Variants in CEP104 observed in about 807,000 individuals in gnomAD.
CEP104 encodes centrosomal protein of 104 kDa.
Under a neutral mutation model 113.3 loss-of-function variants are expected in CEP104, and 84 were observed. The ratio of observed to expected loss-of-function variants is 0.74; its 90% CI spans 0.62 to 0.89. The LOEUF (loss-of-function observed/expected upper bound fraction) is 0.89, where lower values mean the gene tolerates loss of function less well. Ranked by LOEUF, CEP104 falls within the 40% of genes least tolerant of loss-of-function variation. CEP104 has a pLI of 0.00. For synonymous variants in CEP104, 378 were observed against 421.7 expected, an observed-to-expected ratio of 0.90 and a Z score of 1.27; for missense variants, 1,053 against 1,156.6, an observed-to-expected ratio of 0.91 and a Z score of 1.30.
intron 2 of CEP104, among the ~76,000 whole-genome samples, chr1:3,850,385 A>AT (rs1644587957): frequency 6.6e-6 from 1 of 152,232 alleles, no homozygotes; most frequent in Non-Finnish European, 1.5e-5. Flanking sequence ...ACTAAAAATA[A>AT]TTTGACAACC....
At chr1:3,827,311 T>G (rs1266776575) in intron 15 of CEP104, among the ~76,000 whole-genome samples, 1 of 152,016 alleles carries the variant, frequency 6.6e-6, no homozygotes, top group African/African-American at 2.4e-5. Context: ...GCCTCCTGGG[T>G]GCAAGCCATC....
In CEP104 at chr1:3,845,002, T is replaced by G. The variant is rs1336976963; in HGVS notation, c.490-19A>C. Reference sequence around the variant, plus strand: ...GAGAGGCCTTTGGGGGCAAAACATCTGCTTAGTGTCTCAGAGAGAAAGAGG... The same window carrying G: ...GAGAGGCCTTTGGGGGCAAAACATCGGCTTAGTGTCTCAGAGAGAAAGAGG... On this transcript the variant is annotated intron_variant, in intron 5 of 21. Transcript: ENST00000378230. The G allele has an allele frequency of 6.3e-7, 1 of 1,597,868 alleles. No homozygotes were observed. The highest frequency in any genetic ancestry group is 1.3e-5 in the African/African-American group (1 of 74,606).
At chr1:3,852,564 TA>T (rs1445302311) in intron 1 of CEP104, 143 bp from the exon 2 acceptor site, 3 of 744,516 alleles carry the variant, frequency 4.0e-6, no homozygotes, top group African/African-American at 1.8e-5. Context: ...GAAAAGAGTC[TA>T]TTTTTTTTTG....
Position 3,834,928 on chromosome 1 carries a change from G to C in CEP104, c.1482C>G (p.Thr494=). The change falls in exon 11 of 22, where the codon ACC becomes ACG. Residue 494 remains threonine (T), a synonymous_variant. Coordinates refer to ENST00000378230, the MANE Select transcript of CEP104 (RefSeq NM_014704.4). ...LVRRAIKDIV[T]SVFQASLKLL... ...AGCGCCAGCTGAGGGCACTCACGGA[G>C]GTCACAATGTCCTTTATGGCTCTTC... The C allele has an allele frequency of 6.3e-7, 1 of 1,585,404 alleles. No homozygotes were observed. The highest frequency in any genetic ancestry group is 1.1e-5 in the South Asian group (1 of 87,094).
intron 20 of CEP104, among the ~76,000 whole-genome samples, chr1:3,817,530 A>C (rs1199901847): frequency 6.6e-6 from 1 of 151,464 alleles, no homozygotes; most frequent in East Asian, 1.9e-4. Context: ...AGCCCAGCCC[A>C]CTCCTGTCCC....
In CEP104 at chr1:3,839,016, C is replaced by T. The variant is rs113174854; in HGVS notation, c.839G>A (p.Arg280His). The T allele has an allele frequency of 2.9e-5, 47 of 1,614,022 alleles. 1 individual carries two copies. In the Admixed American group the frequency reaches 5.8e-4, roughly 20 times the overall value. Residue 280 changes from arginine to histidine, a missense_variant, in exon 8 of 22, where the codon CGT becomes CAT. By Grantham distance (29) the Arg-to-His change is conservative. Transcript: ENST00000378230. ...KEKKQQMEQY[R>H]AEVYEQLELH... ...CTCCAGCTGCTCGTACACCTCGGCACGATACTGCTCCATCTGCTGCTTCTT... is the reference window on the plus strand; with the variant it reads ...CTCCAGCTGCTCGTACACCTCGGCATGATACTGCTCCATCTGCTGCTTCTT...
rs1272007920 is a variant in CEP104, at chr1:3,819,733, A to T, written c.2572-3363T>A. 6.6e-6 allele frequency among the ~76,000 whole-genome samples: 1 copy of T among 152,218 alleles called. No homozygotes were observed. Among genetic ancestry groups the T allele is most frequent in the Admixed American group, 6.5e-5 (1 of 15,288 alleles). On this transcript the variant is annotated intron_variant, in intron 20 of 21. Coordinates refer to ENST00000378230, the MANE Select transcript of CEP104 (RefSeq NM_014704.4). The surrounding 1 kb of genome is among the most constrained non-coding windows in gnomAD (Gnocchi z 4.6). ...CTCACGAGCCTGCAGGCAGGAGAGA[A>T]GGGAGGGAACGCTGAAGAGAGAAAA...
At chr1:3,836,716 A>T (rs1326242737) in intron 9 of CEP104, 24 bp from the exon 10 acceptor site, 3 of 1,610,474 alleles carry the variant, frequency 1.9e-6, no homozygotes, top group Non-Finnish European at 2.5e-6. Context: ...AGGAGAGAGG[A>T]AAGTGCTGGG....
rs1038486833 is a variant in CEP104, at chr1:3,852,301, G to A, written c.107C>T (p.Ser36Leu). The A allele has an allele frequency of 1.4e-5, 22 of 1,613,354 alleles. No individual in the cohort carries two copies. The highest frequency in any genetic ancestry group is 1.8e-5 in the Non-Finnish European group (21 of 1,179,878). The part of the protein sequence containing the change: ...IHAPTVSGWR[S>L]PRFCQFPQEI... Reference sequence around the variant, plus strand: ...CGCCCCGTCCAGTCCTCACCTAGGTGACCGCCACCCACTGACAGTTGGCGC... The same window carrying A: ...CGCCCCGTCCAGTCCTCACCTAGGTAACCGCCACCCACTGACAGTTGGCGC... Residue 36 changes from serine to leucine, a missense_variant, in exon 2 of 22, where the codon TCA becomes TTA. Ser to Leu is a moderately radical substitution (Grantham distance 145). Transcript: ENST00000378230.
chr1:3,835,508 G>A lies in CEP104; in HGVS notation c.1318-416C>T, dbSNP rs1012882027. On this transcript the variant is annotated intron_variant, in intron 10 of 21. Coordinates refer to ENST00000378230, the MANE Select transcript of CEP104 (RefSeq NM_014704.4). ...CTGCCTCAGTCTTCCAGCTAGCTGG[G>A]ATTACAGGTGCCTGACACCATGCCC... is the stretch of plus-strand genomic sequence containing the variant. Among the ~76,000 whole-genome samples the A allele has an allele frequency of 7.2e-5, 11 of 152,184 alleles. 1 individual carries two copies. The highest frequency in any genetic ancestry group is 2.7e-4 in the African/African-American group (11 of 41,462).
At chr1:3,822,489 T>C (rs571060826) in intron 20 of CEP104, among the ~76,000 whole-genome samples, 39 of 152,312 alleles carry the variant, frequency 2.6e-4, no homozygotes, top group African/African-American at 8.4e-4. Flanking sequence ...TGGAAGTGGC[T>C]GAGCCAGATT....
intron 14 of CEP104, 75 bp from the exon 15 acceptor site, chr1:3,829,448 T>C (rs1193920885): frequency 4.9e-5 from 46 of 932,364 alleles, no homozygotes; most frequent in Admixed American, 1.8e-4. Flanking sequence ...AATTATGGCA[T>C]ATCAACTATA....
At chr1:3,851,275 G>C (rs1039543558) in intron 2 of CEP104, among the ~76,000 whole-genome samples, 5 of 151,640 alleles carry the variant, frequency 3.3e-5, no homozygotes, top group Admixed American at 3.3e-4. Flanking sequence ...AGGGACAGGG[G>C]GTCTTATTTG....
intron 8 of CEP104, among the ~76,000 whole-genome samples, chr1:3,838,662 GC>G (rs1644358571): frequency 6.6e-6 from 1 of 152,184 alleles, no homozygotes; most frequent in East Asian, 1.9e-4. Flanking sequence ...GGTCATCACT[GC>G]CTTTTCCAAA....
intron 20 of CEP104, among the ~76,000 whole-genome samples, chr1:3,820,291 C>T (rs1261797413): frequency 6.6e-6 from 1 of 152,154 alleles, no homozygotes; most frequent in African/African-American, 2.4e-5. Context: ...TAACTGAAAT[C>T]AGAGGGGATG....
In CEP104 at chr1:3,855,598, T is replaced by C. The variant is rs139558036; in HGVS notation, c.-15+1291A>G. Among the ~76,000 whole-genome samples, 135 of 152,296 alleles carry C rather than the reference T, an allele frequency of 8.9e-4. 1 individual carries two copies. The highest frequency in any genetic ancestry group is 3.2e-3 in the African/African-American group (131 of 41,560). On this transcript the variant is annotated intron_variant, in intron 1 of 21. Coordinates refer to ENST00000378230, the MANE Select transcript of CEP104 (RefSeq NM_014704.4). ...ACAAATCTAAAACAAAGTACTGGCA[T>C]TTAAGAACCAGCTAAGAGAAATGCA...
intron 20 of CEP104, among the ~76,000 whole-genome samples, chr1:3,820,844 G>A (rs900794803): frequency 1.3e-5 from 2 of 152,182 alleles, no homozygotes; most frequent in Non-Finnish European, 2.9e-5. Flanking sequence ...GGTGCAGTGG[G>A]GGCCAAGGTG....
At chr1:3,845,119 T>C in intron 5 of CEP104, 136 bp from the exon 6 acceptor site, 2 of 886,018 alleles carry the variant, frequency 2.3e-6, no homozygotes, top group Non-Finnish European at 3.6e-6. Flanking sequence ...CAGCTAAAAC[T>C]GTTAAAGAAA....
intron 8 of CEP104, among the ~76,000 whole-genome samples, chr1:3,838,164 T>C (rs1463745192): frequency 6.6e-6 from 1 of 152,142 alleles, no homozygotes; most frequent in Non-Finnish European, 1.5e-5. Flanking sequence ...TGCTCTCTTG[T>C]TTTTCAGAGG....
Sources: gnomAD v4.1 joint callset for allele counts (sites outside exome capture counted in the v4.1 genomes callset) on GRCh38, gnomAD v4.1.1 for gene constraint, Gnocchi (gnomAD v3.1) non-coding constraint, MANE v1.5 for transcripts, NCBI Gene and HGNC (gene_info 2026-07-23, HGNC 2026-07-21) for gene names.